PIK3R3: variants seen among roughly 807,000 people sequenced by gnomAD.
PIK3R3 encodes phosphatidylinositol 3-kinase regulatory subunit gamma.
PIK3R3 carries 64 observed loss-of-function variants against 62.9 expected under a neutral mutation model. That is an observed-to-expected ratio of 1.02 (90% CI 0.83 to 1.25). The LOEUF is 1.25. Ranked by LOEUF, PIK3R3 falls within the 50% of genes most tolerant of loss-of-function variation. The pLI is 0.00. For synonymous variants in PIK3R3, 165 were observed against 189.0 expected (o/e 0.87, Z 1.04); for missense variants, 614 against 561.6 (o/e 1.09, Z -0.94).
At chr1:46,112,558 G>C (rs529629670) in intron 1 of PIK3R3, among the ~76,000 whole-genome samples, 1 of 152,226 alleles carries the variant, frequency 6.6e-6, no homozygotes, top group African/African-American at 2.4e-5. Context: ...TGAATCTTAA[G>C]AGTTAATTTT....
the PIK3R3 span, among the ~76,000 whole-genome samples, chr1:46,161,537 C>T: frequency 1.3e-5 from 2 of 152,148 alleles, no homozygotes; most frequent in Non-Finnish European, 2.9e-5. Context: ...ATATTTTGAT[C>T]CTCTGATCCA....
intron 1 of PIK3R3, among the ~76,000 whole-genome samples, chr1:46,093,659 G>A (rs924280842): frequency 2.0e-5 from 3 of 151,976 alleles, no homozygotes; most frequent in African/African-American, 7.3e-5. Context: ...GGAGGCCTAC[G>A]CGGGCAGATC....
intron 6 of PIK3R3, among the ~76,000 whole-genome samples, chr1:46,058,065 A>C (rs768163626): frequency 3.9e-5 from 6 of 152,168 alleles, no homozygotes; most frequent in Non-Finnish European, 8.8e-5. Context: ...CAGCCTAGAG[A>C]CTTGGTGCCC....
chr1:46,067,373 AT>A (rs1377840981), intron 3 of PIK3R3, among the ~76,000 whole-genome samples: 2 of 151,632 alleles, frequency 1.3e-5, no homozygotes, highest in African/African-American at 4.8e-5. Flanking sequence ...AGCAAAAAAA[AT>A]CACTTAAGAA....
chr1:46,149,646 T>A, the PIK3R3 span, among the ~76,000 whole-genome samples: 1 of 151,772 alleles, frequency 6.6e-6, no homozygotes, highest in African/African-American at 2.4e-5. Flanking sequence ...TTCTCTTGCC[T>A]CAGCCTCCCA....
chr1:46,058,817 G>A (rs1028593210), intron 6 of PIK3R3, among the ~76,000 whole-genome samples: 6 of 152,190 alleles, frequency 3.9e-5, no homozygotes, highest in African/African-American at 9.6e-5. Flanking sequence ...ACTTTGGACT[G>A]TGGACTTTTG....
the PIK3R3 span, among the ~76,000 whole-genome samples, chr1:46,158,684 G>A: frequency 1.3e-5 from 2 of 152,198 alleles, no homozygotes; most frequent in Non-Finnish European, 2.9e-5. Flanking sequence ...AGAAAGATAA[G>A]CTAAAAAGAT....
chr1:46,145,193 A>C, the PIK3R3 span, among the ~76,000 whole-genome samples: 4 of 151,892 alleles, frequency 2.6e-5, no homozygotes, highest in Non-Finnish European at 5.9e-5. Context: ...GTTCTGACAA[A>C]ACATGGGGGA....
In PIK3R3 at chr1:46,066,926, C is replaced by G. The variant is rs1410529082; in HGVS notation, c.480G>C (p.Val160=). The G allele has an allele frequency of 6.2e-7, 1 of 1,613,306 alleles. No homozygotes were observed. Among genetic ancestry groups the G allele is most frequent in the African/African-American group, 1.3e-5 (1 of 74,956 alleles). The change falls in exon 4 of 10, where the codon GTG becomes GTC. Residue 160 remains valine, a synonymous_variant. Transcript: ENST00000262741. ...PKLDVKLMYP[V]SRYQQDQLVK... The stretch of plus-strand genomic sequence containing the variant: ...ATAATCATACCTGTTGGTATCTGGA[C>G]ACTGGGTACATCAGCTTCACATCAA...
At chr1:46,049,611 C>G (rs1285465311) in intron 7 of PIK3R3, among the ~76,000 whole-genome samples, 1 of 152,176 alleles carries the variant, frequency 6.6e-6, no homozygotes, top group Non-Finnish European at 1.5e-5. Flanking sequence ...GATGGCAAGA[C>G]CCAATGATTA....
chr1:46,095,900 C>T (rs1451798106), intron 1 of PIK3R3, among the ~76,000 whole-genome samples: 1 of 152,126 alleles, frequency 6.6e-6, no homozygotes, highest in Non-Finnish European at 1.5e-5. Flanking sequence ...TCCCAAAATG[C>T]TGTTGATATT....
At chr1:46,075,157 CA>C (rs1298918951) in intron 3 of PIK3R3, among the ~76,000 whole-genome samples, 1 of 152,184 alleles carries the variant, frequency 6.6e-6, no homozygotes, top group African/African-American at 2.4e-5. Flanking sequence ...TTAGAAGTAT[CA>C]AATGCAGATA....
chr1:46,089,473 T>C (rs1272733440), intron 1 of PIK3R3, among the ~76,000 whole-genome samples: 1 of 152,112 alleles, frequency 6.6e-6, no homozygotes, highest in Non-Finnish European at 1.5e-5. Context: ...CCCAGCACTT[T>C]GGGAGGCCAA....
chr1:46,061,309 A>G (rs1182906017), intron 6 of PIK3R3, among the ~76,000 whole-genome samples: 2 of 151,822 alleles, frequency 1.3e-5, no homozygotes, highest in Non-Finnish European at 2.9e-5. Context: ...CATTCCCATG[A>G]CCTCCCGCTT....
intron 5 of PIK3R3, among the ~76,000 whole-genome samples, chr1:46,065,126 C>T (rs2458400): frequency 0.67 from 102,421 of 152,038 alleles, 34,747 homozygotes; most frequent in Non-Finnish European, 0.71. Flanking sequence ...CAGTTAAATA[C>T]ATTTTCCTAA....
In PIK3R3 at chr1:46,062,129, C is replaced by A. The variant is rs141416920; in HGVS notation, c.622-58G>T. 997 of 1,486,482 alleles carry A rather than the reference C, an allele frequency of 6.7e-4. 7 individuals carry two copies. In the African/African-American group the frequency reaches 0.011, roughly 16 times the overall value. The allele number at this position is 1,486,482 out of a possible 1,614,324, so 92.1% of individuals were successfully genotyped here. A position where few individuals can be genotyped will look rare whatever the true frequency, so the allele number is the denominator to read the frequency against. On this transcript the variant is annotated intron_variant, in intron 5 of 9. Transcript: ENST00000262741. ...CATTATCTTTATTATTTTCTTCTAACCTTGGTCTTAAACAAATTTTGTAAT... is the reference window on the plus strand; with the variant it reads ...CATTATCTTTATTATTTTCTTCTAAACTTGGTCTTAAACAAATTTTGTAAT...
chr1:46,129,615 G>A (rs1294112577), intron 1 of PIK3R3, among the ~76,000 whole-genome samples: 1 of 152,084 alleles, frequency 6.6e-6, no homozygotes, highest in Non-Finnish European at 1.5e-5. Flanking sequence ...ATAAGAGCTT[G>A]ATGTGGGGTG....
upstream of PIK3R3, among the ~76,000 whole-genome samples, chr1:46,133,628 C>T (rs1322260800): frequency 2.6e-5 from 4 of 152,184 alleles, no homozygotes; most frequent in African/African-American, 9.6e-5. Flanking sequence ...CTGCAACCTT[C>T]CTGGCTGCTA....
upstream of PIK3R3, among the ~76,000 whole-genome samples, chr1:46,133,400 C>T (rs1655794735): frequency 6.6e-6 from 1 of 152,110 alleles, no homozygotes; most frequent in South Asian, 2.1e-4. Context: ...GGTGATTGGC[C>T]GCGGGGGAAG....
Sources: gnomAD v4.1 joint callset for allele counts (sites outside exome capture counted in the v4.1 genomes callset) on GRCh38, gnomAD v4.1.1 for gene constraint, MANE v1.5 for transcripts, NCBI Gene and HGNC (gene_info 2026-07-23, HGNC 2026-07-21) for gene names.